LRRIQ1: variants seen among roughly 807,000 people sequenced by gnomAD.
LRRIQ1 encodes leucine-rich repeat- and IQ domain-containing protein 1.
Under a neutral mutation model 211.9 loss-of-function variants are expected in LRRIQ1, and 210 were observed. That is an observed-to-expected ratio of 0.99 (90% CI 0.89 to 1.11). The LOEUF (loss-of-function observed/expected upper bound fraction) is 1.11. LRRIQ1 is among the 50% of genes most tolerant of loss of function. The pLI, the probability that LRRIQ1 is intolerant of heterozygous loss-of-function variation, is 0.00. For synonymous variants in LRRIQ1, 699 were observed against 650.1 expected (o/e 1.08, Z -1.14); for missense variants, 2,136 against 1,939.5 (o/e 1.10, Z -1.90).
At chr12:85,061,740 ATC>A (rs1881832009) in intron 8 of LRRIQ1, among the ~76,000 whole-genome samples, 1 of 151,842 alleles carries the variant, frequency 6.6e-6, no homozygotes, top group Non-Finnish European at 1.5e-5. Flanking sequence ...CAGAATGTAT[ATC>A]TGTTTGTTAC....
At chr12:85,118,739 A>G (rs1040403674) in intron 15 of LRRIQ1, among the ~76,000 whole-genome samples, 2 of 152,142 alleles carry the variant, frequency 1.3e-5, no homozygotes, top group Non-Finnish European at 1.5e-5. Flanking sequence ...ATCTCAGACT[A>G]TACAATCTAG....
intron 3 of LRRIQ1, among the ~76,000 whole-genome samples, chr12:85,042,357 A>T (rs1878985823): frequency 2.0e-5 from 3 of 150,000 alleles, no homozygotes; most frequent in Non-Finnish European, 3.0e-5. Context: ...TAATTTAATT[A>T]TTTAAAATCG....
At chr12:85,249,161 C>T (rs148049741), downstream of LRRIQ1, among the ~76,000 whole-genome samples, 4 of 151,670 alleles carry the variant, frequency 2.6e-5, no homozygotes, top group East Asian at 3.9e-4. Flanking sequence ...AACTTCAAAA[C>T]GAAATAGATT....
At chr12:85,195,572 A>C (rs1213718495) in intron 24 of LRRIQ1, among the ~76,000 whole-genome samples, 1 of 152,064 alleles carries the variant, frequency 6.6e-6, no homozygotes, top group Non-Finnish European at 1.5e-5. Flanking sequence ...CAAAGACAAA[A>C]ACCACATGAT....
At chr12:85,163,341 T>G (rs1389898495) in intron 24 of LRRIQ1, among the ~76,000 whole-genome samples, 1 of 141,170 alleles carries the variant, frequency 7.1e-6, no homozygotes, top group African/African-American at 2.8e-5. Context: ...TGGTTGGGCA[T>G]CTGATGCCCC....
chr12:85,212,787 T>G (rs12578114), intron 24 of LRRIQ1, among the ~76,000 whole-genome samples: 61,578 of 148,192 alleles, frequency 0.42, 16,590 homozygotes, highest in African/African-American at 0.78. Context: ...TATATATATA[T>G]AGAGAGAGAG....
chr12:85,173,282 G>A (rs1891507724), intron 24 of LRRIQ1, among the ~76,000 whole-genome samples: 1 of 152,128 alleles, frequency 6.6e-6, no homozygotes, highest in African/African-American at 2.4e-5. Context: ...TTGGTGTCTT[G>A]TTAAAACTAA....
intron 10 of LRRIQ1, among the ~76,000 whole-genome samples, chr12:85,071,476 A>G (rs372701011): frequency 3.9e-5 from 6 of 152,020 alleles, no homozygotes; most frequent in East Asian, 1.9e-4. Flanking sequence ...CCATATTACC[A>G]TAATGAATAT....
At chr12:85,037,080 TTGCAATGATA>T (rs1878211532) in intron 1 of LRRIQ1, among the ~76,000 whole-genome samples, 1 of 152,164 alleles carries the variant, frequency 6.6e-6, no homozygotes, top group African/African-American at 2.4e-5. Context: ...TATAAACTCT[TTGCAATGATA>T]TTAATAATTA....
chr12:85,056,660 G>T lies in LRRIQ1; in HGVS notation c.1867G>T (p.Asp623Tyr), dbSNP rs138720079. The change falls in exon 8 of 27, where the codon GAT becomes TAT. Residue 623 changes from aspartate (D) to tyrosine (Y), a missense_variant. Physicochemically the swap from Asp to Tyr is radical, Grantham distance 160. Transcript: ENST00000393217. ...CTCACTAACATCAGAAAATTCCAAAGATGTAAGAGAAAACGTAATATTACA... is the reference window on the plus strand; with the variant it reads ...CTCACTAACATCAGAAAATTCCAAATATGTAAGAGAAAACGTAATATTACA... The part of the protein sequence containing the change: ...SLSLTSENSK[D>Y]VRENVILQEK... The T allele has an allele frequency of 6.2e-7, 1 of 1,601,762 alleles. No homozygotes were observed.
chr12:85,219,640 C>T (rs899142521), intron 24 of LRRIQ1, among the ~76,000 whole-genome samples: 13 of 151,930 alleles, frequency 8.6e-5, no homozygotes, highest in Non-Finnish European at 1.8e-4. Context: ...AAAGGAGTGA[C>T]TGGTGCTAAT....
At chr12:85,212,783 T>G (rs35375962) in intron 24 of LRRIQ1, among the ~76,000 whole-genome samples, 4,873 of 147,716 alleles carry the variant, frequency 0.033, 264 homozygotes, top group African/African-American at 0.11. Context: ...ATTTTATATA[T>G]ATATAGAGAG....
chr12:85,047,206 G>C, intron 5 of LRRIQ1, 41 bp from the exon 6 acceptor site: 1 of 1,422,542 alleles, frequency 7.0e-7, no homozygotes, highest in Non-Finnish European at 9.6e-7. Flanking sequence ...TGACAGTTTT[G>C]ATCTTACAAA....
intron 1 of LRRIQ1, among the ~76,000 whole-genome samples, chr12:85,254,018 A>G (rs1331931916): frequency 6.6e-6 from 1 of 152,012 alleles, no homozygotes; most frequent in East Asian, 1.9e-4. Flanking sequence ...GTTTAGCGGC[A>G]TCTCCCATGG....
intron 18 of LRRIQ1, 103 bp from the exon 19 acceptor site, chr12:85,137,747 A>G (rs1469771564): frequency 2.8e-5 from 26 of 940,780 alleles, no homozygotes; most frequent in Non-Finnish European, 3.6e-5. Context: ...GTGTCATTAA[A>G]CTTAGGTCTA....
intron 13 of LRRIQ1, among the ~76,000 whole-genome samples, chr12:85,102,089 T>C (rs1886390928): frequency 6.6e-6 from 1 of 151,718 alleles, no homozygotes; most frequent in African/African-American, 2.4e-5. Context: ...ATTTTCTTTT[T>C]AATAAGTACA....
At chr12:85,106,370 C>A in intron 14 of LRRIQ1, 152 bp from the exon 15 acceptor site, 1 of 591,960 alleles carries the variant, frequency 1.7e-6, no homozygotes, top group Non-Finnish European at 2.9e-6. Flanking sequence ...GTCCTTAACA[C>A]AGTCTTCTTT....
chr12:85,235,268 G>T (rs1457838450), intron 26 of LRRIQ1, among the ~76,000 whole-genome samples: 2 of 152,056 alleles, frequency 1.3e-5, no homozygotes, highest in African/African-American at 4.8e-5. Flanking sequence ...TTGACTAAAT[G>T]GATCCCCTCA....
chr12:85,077,909 G>C (rs575059427), intron 11 of LRRIQ1, among the ~76,000 whole-genome samples: 2 of 151,856 alleles, frequency 1.3e-5, no homozygotes, highest in African/African-American at 4.8e-5. Flanking sequence ...AATCACTTGA[G>C]CTTGGGGGAT....
Sources: allele counts gnomAD v4.1 joint callset (sites outside exome capture counted in the v4.1 genomes callset), GRCh38; gene constraint gnomAD v4.1.1; transcripts MANE v1.5; gene names NCBI Gene and HGNC (gene_info 2026-07-23, HGNC 2026-07-21).